Variants in USP37 observed in about 807,000 individuals in gnomAD.
The protein encoded by USP37 is ubiquitin specific peptidase 37.
A neutral mutation model predicts 124.0 loss-of-function variants in USP37; 27 were observed. The observed-to-expected ratio is 0.22, with a 90% CI of 0.16 to 0.30. USP37 has a LOEUF of 0.30. Ranked by LOEUF, USP37 falls within the 10% of genes least tolerant of loss-of-function variation. The pLI is 1.00. For synonymous variants in USP37, 365 were observed against 388.0 expected (o/e 0.94, Z 0.70); for missense variants, 889 against 1,140.4 (o/e 0.78, Z 3.17).
chr2:218,463,681 G>A (rs531313816), intron 21 of USP37, among the ~76,000 whole-genome samples: 1 of 151,086 alleles, frequency 6.6e-6, no homozygotes, highest in South Asian at 2.1e-4. Context: ...GACTACAGGC[G>A]CCCGCCACCA....
intron 20 of USP37, among the ~76,000 whole-genome samples, chr2:218,468,990 C>T (rs557798593): frequency 2.2e-4 from 34 of 152,258 alleles, no homozygotes; most frequent in South Asian, 6.2e-4. Context: ...ACACTGCGCC[C>T]GGCTCCTAAT....
chr2:218,567,371 CTT>C (rs1693674317), intron 1 of USP37, among the ~76,000 whole-genome samples: 1 of 152,146 alleles, frequency 6.6e-6, no homozygotes, highest in Non-Finnish European at 1.5e-5. Flanking sequence ...GCACTATACT[CTT>C]TTTCGGCAAT....
At chr2:218,505,538 G>GC (rs1689631776) in intron 11 of USP37, among the ~76,000 whole-genome samples, 1 of 152,042 alleles carries the variant, frequency 6.6e-6, no homozygotes, top group South Asian at 2.1e-4. Context: ...TCTCTAGCTT[G>GC]CATATTTGAC....
chr2:218,553,361 T>G (rs566986074), intron 5 of USP37, among the ~76,000 whole-genome samples, 192 bp downstream of exon 5: 1 of 152,372 alleles, frequency 6.6e-6, no homozygotes, highest in East Asian at 1.9e-4. Context: ...GTCCTTCATT[T>G]GTCAAGAATG....
chr2:218,489,971 G>A (rs559086640), intron 14 of USP37, among the ~76,000 whole-genome samples: 1 of 152,292 alleles, frequency 6.6e-6, no homozygotes, highest in South Asian at 2.1e-4. Context: ...TAATCTGTAT[G>A]AATATTCTAC....
chr2:218,525,661 G>C (rs1301336226), intron 10 of USP37, among the ~76,000 whole-genome samples: 3 of 151,816 alleles, frequency 2.0e-5, no homozygotes, highest in East Asian at 1.9e-4. Flanking sequence ...ATTTTCTTTC[G>C]GGTAGCTTCT....
In USP37 at chr2:218,506,815, G is replaced by C. The variant is rs1294235870; in HGVS notation, c.1025+3164C>G. On this transcript the variant is annotated intron_variant, in intron 11 of 25. Transcript: ENST00000258399. ...CAGTTTGAATTTTTTTTTTCTTTTT[G>C]AGACGGAGTTTTGCTCTGTCGCCCA... Among the ~76,000 whole-genome samples, 4 of 146,434 alleles carry C rather than the reference G, an allele frequency of 2.7e-5. No homozygotes were observed. The East Asian group carries it at 8.0e-4, about 29-fold the overall frequency.
At position 218,562,750 on chromosome 2, in the gene USP37, A is replaced by T. The variant is rs1693372719; in HGVS notation, c.-166T>A. The stretch of plus-strand genomic sequence containing the variant: ...CTGATCCTTGTGCCAAAGGCAAAGC[A>T]CTCTTCTTGGGACACTACTCATATT... On this transcript the variant is annotated 5_prime_UTR_variant, in exon 2 of 26. Coordinates refer to ENST00000258399, the MANE Select transcript of USP37 (RefSeq NM_020935.3). 7.5e-6 allele frequency: 3 copies of T among 398,374 alleles called. No homozygotes were observed. The highest frequency in any genetic ancestry group is 1.3e-5 in the Non-Finnish European group (3 of 226,060). The allele number at this position is 398,374 out of a possible 1,614,324, so 24.7% of individuals were successfully genotyped here.
chr2:218,540,758 A>C (rs1017842873), intron 8 of USP37, among the ~76,000 whole-genome samples: 3 of 152,150 alleles, frequency 2.0e-5, no homozygotes, highest in African/African-American at 7.2e-5. Flanking sequence ...ATAAGGGGGG[A>C]CTACTATATA....
intron 14 of USP37, among the ~76,000 whole-genome samples, chr2:218,494,583 A>C (rs960845818): frequency 3.3e-5 from 5 of 152,222 alleles, no homozygotes; most frequent in Non-Finnish European, 7.3e-5. Context: ...ATAGGGCGGT[A>C]TACTTAATAC....
chr2:218,508,750 G>A (rs898555712), intron 11 of USP37, among the ~76,000 whole-genome samples: 1 of 152,174 alleles, frequency 6.6e-6, no homozygotes, highest in African/African-American at 2.4e-5. Context: ...GAAGATTAAA[G>A]AAAGCAACAG....
At chr2:218,458,253 TAAAAAAAAAAAAAA>T (rs33911503) in intron 23 of USP37, among the ~76,000 whole-genome samples, 1 of 70,934 alleles carries the variant, frequency 1.4e-5, no homozygotes, top group Non-Finnish European at 2.5e-5. Flanking sequence ...AGACCTTGCC[TAAAAAAAAAAAAAA>T]AAAAAAAAAC....
chr2:218,559,822 A>G (rs1361081397), intron 3 of USP37, among the ~76,000 whole-genome samples: 1 of 152,070 alleles, frequency 6.6e-6, no homozygotes, highest in African/African-American at 2.4e-5. Context: ...TACAAAAAAT[A>G]CCAAAAAATT....
intron 11 of USP37, among the ~76,000 whole-genome samples, chr2:218,508,827 G>C (rs1199154916): frequency 1.3e-5 from 2 of 152,156 alleles, no homozygotes; most frequent in African/African-American, 4.8e-5. Flanking sequence ...AATATATGAA[G>C]CATATAAACT....
chr2:218,482,491 TA>T (rs1396009792), intron 16 of USP37, among the ~76,000 whole-genome samples: 1 of 152,120 alleles, frequency 6.6e-6, no homozygotes, highest in African/African-American at 2.4e-5. Flanking sequence ...CACAAATAAA[TA>T]AAATATAGCA....
intron 14 of USP37, among the ~76,000 whole-genome samples, chr2:218,492,299 T>C (rs561634605): frequency 6.6e-6 from 1 of 152,262 alleles, no homozygotes; most frequent in East Asian, 1.9e-4. Context: ...TCTAAGGCAC[T>C]ATGATCCTGG....
intron 22 of USP37, among the ~76,000 whole-genome samples, 186 bp from the exon 23 acceptor site, chr2:218,460,091 CAAAAAA>C (rs55945023): frequency 3.4e-5 from 4 of 118,064 alleles, no homozygotes; most frequent in African/African-American, 6.6e-5. Context: ...ACTAAAAATA[CAAAAAA>C]AAAAAAAAAA....
chr2:218,527,052 T>G (rs556479732), intron 10 of USP37, among the ~76,000 whole-genome samples: 23 of 152,178 alleles, frequency 1.5e-4, no homozygotes, highest in Non-Finnish European at 2.8e-4. Flanking sequence ...CCTCCCAAAG[T>G]GCTGGGACCA....
Position 218,466,058 on chromosome 2 carries a change from C to T in USP37, c.2418G>A (p.Arg806=), listed in dbSNP as rs1690298222. 1 of 1,612,734 alleles carries T rather than the reference C, an allele frequency of 6.2e-7. No homozygotes were observed. Among genetic ancestry groups the T allele is most frequent in the Admixed American group, 1.7e-5 (1 of 59,576 alleles). ...GTGCCTGCTGAAGCTCTTGCTCTTC[C>T]CTTTCACGCTCCATATCATACTGCT... ...WLQQYDMERE[R]EEQELQQALA... Residue 806 remains arginine (R), a synonymous_variant, in exon 21 of 26, where the codon AGG becomes AGA. Transcript: ENST00000258399.
Sources: allele counts gnomAD v4.1 joint callset (sites outside exome capture counted in the v4.1 genomes callset), GRCh38; gene constraint gnomAD v4.1.1; transcripts MANE v1.5; gene names NCBI Gene and HGNC (gene_info 2026-07-23, HGNC 2026-07-21).